Variants in PHACTR1 observed in about 807,000 individuals in gnomAD.
The protein encoded by PHACTR1 is phosphatase and actin regulator 1.
Under a neutral mutation model 69.2 loss-of-function variants are expected in PHACTR1, and 16 were observed. The observed-to-expected ratio is 0.23, with a 90% CI of 0.16 to 0.35. The LOEUF (loss-of-function observed/expected upper bound fraction) is 0.35, where lower values mean the gene tolerates loss of function less well. Among genes scored for constraint, PHACTR1 ranks in the 10% least tolerant of loss-of-function variants. PHACTR1 has a pLI of 1.00. For synonymous variants in PHACTR1, 312 were observed against 284.5 expected (o/e 1.10, Z -0.97); for missense variants, 510 against 734.7 (o/e 0.69, Z 3.54).
intron 4 of PHACTR1, among the ~76,000 whole-genome samples, chr6:13,000,618 A>AAGGAAGGAAGGAAGGG (rs1797970300): frequency 1.1e-5 from 1 of 89,422 alleles, no homozygotes; most frequent in East Asian, 3.4e-4. Context: ...GGAAGGGAGG[A>AAGGAAGGAAGGAAGGG]AGGAAGGAAG....
At chr6:13,111,588 C>T (rs573755361) in intron 5 of PHACTR1, among the ~76,000 whole-genome samples, 41 of 152,084 alleles carry the variant, frequency 2.7e-4, no homozygotes, top group Non-Finnish European at 2.5e-4. Context: ...ATGTCACAAC[C>T]TCGGTTATTA....
At chr6:13,045,492 G>A (rs370319624) in intron 4 of PHACTR1, among the ~76,000 whole-genome samples, 1 of 152,134 alleles carries the variant, frequency 6.6e-6, no homozygotes, top group Admixed American at 6.5e-5. Context: ...CCCATAAACC[G>A]CATTAGTCAT....
chr6:12,764,477 T>C (rs2127615745), intron 4 of PHACTR1, among the ~76,000 whole-genome samples: 1 of 152,312 alleles, frequency 6.6e-6, no homozygotes, highest in Middle Eastern at 3.4e-3. Flanking sequence ...TAAGAGAAAA[T>C]AATGATGTTA....
At chr6:12,896,114 T>C (rs1161736761) in intron 4 of PHACTR1, among the ~76,000 whole-genome samples, 2 of 152,176 alleles carry the variant, frequency 1.3e-5, no homozygotes, top group East Asian at 3.8e-4. Flanking sequence ...TTAATGCAAA[T>C]GGAGCAAACG....
intron 8 of PHACTR1, among the ~76,000 whole-genome samples, 165 bp downstream of exon 8, chr6:13,206,301 A>AG (rs567745966): frequency 3.5e-4 from 53 of 151,844 alleles, no homozygotes; most frequent in African/African-American, 1.1e-3. Context: ...AAAGCATGGA[A>AG]AAAAAAAATG....
chr6:13,275,034 T>A lies in PHACTR1; in HGVS notation c.1447+2119T>A, dbSNP rs531220221. 244 of 152,306 alleles carry A rather than the reference T, an allele frequency of 1.6e-3. No homozygotes were observed. Among genetic ancestry groups the A allele is most frequent in the African/African-American group, 5.5e-3 (230 of 41,584 alleles). 9.4% of individuals were successfully genotyped at this position (152,306 alleles called of 1,614,324 possible). On this transcript the variant is annotated intron_variant, in intron 11 of 14. Transcript: ENST00000332995. This position sits in a 1 kb window ranked among gnomAD's most constrained non-coding sequence, Gnocchi z 4.0. ...TATTGCGATTGTTAAACAAAAAAAA[T>A]GTCTAGTGGTATAAGAAAACATCCT...
rs527659372 is a variant in PHACTR1 at position 12,813,299 on chromosome 6, G to T, written c.250+63509G>T. On this transcript the variant is annotated intron_variant, in intron 4 of 14. Coordinates refer to ENST00000332995, the MANE Select transcript of PHACTR1 (RefSeq NM_030948.6). ...AAGTTCTGAGAGCCCTTTTAGAGTT[G>T]AAGGGCCTTATACTTAACCTTAGCT... 3.9e-5 allele frequency among the ~76,000 whole-genome samples: 6 copies of T among 152,300 alleles called. No individual in the cohort carries two copies. The South Asian group carries it at 1.2e-3, about 32-fold the overall frequency.
intron 4 of PHACTR1, among the ~76,000 whole-genome samples, chr6:12,909,613 A>G (rs1786138583): frequency 1.3e-5 from 2 of 152,226 alleles, no homozygotes; most frequent in South Asian, 4.1e-4. Context: ...AACCTTGCTC[A>G]TTTGTAAAAG....
intron 4 of PHACTR1, among the ~76,000 whole-genome samples, chr6:13,002,568 A>G (rs1048349464): frequency 6.6e-6 from 1 of 152,186 alleles, no homozygotes; most frequent in Non-Finnish European, 1.5e-5. Context: ...GAAAATATAC[A>G]TAAGATCGAA....
At position 13,179,745 on chromosome 6, in the gene PHACTR1, T is replaced by C. The variant is rs112244766; in HGVS notation, c.497-2774T>C. 4.1e-3 allele frequency among the ~76,000 whole-genome samples: 488 copies of C among 119,420 alleles called. No homozygotes were observed. Among genetic ancestry groups the C allele is most frequent in the African/African-American group, 0.015 (452 of 29,380 alleles). The allele number at this position is 119,420 out of a possible 152,430, so 78.3% of individuals were successfully genotyped here. On this transcript the variant is annotated intron_variant, in intron 6 of 14. Coordinates refer to ENST00000332995, the MANE Select transcript of PHACTR1 (RefSeq NM_030948.6). This position sits in a 1 kb window ranked among gnomAD's most constrained non-coding sequence, Gnocchi z 4.2. ...ATAGATAGATAGATAGATAGATAGA[T>C]AGACAGAACAAGGTTATCAATATTA...
intron 7 of PHACTR1, among the ~76,000 whole-genome samples, chr6:13,195,508 G>A (rs527828354): frequency 6.6e-6 from 1 of 152,054 alleles, no homozygotes; most frequent in East Asian, 1.9e-4. Context: ...TGTAATCCCA[G>A]CACTTCAGGA....
chr6:12,804,868 C>T (rs1183541581), intron 4 of PHACTR1, among the ~76,000 whole-genome samples: 1 of 152,142 alleles, frequency 6.6e-6, no homozygotes, highest in Non-Finnish European at 1.5e-5. Context: ...ATACTAGTAA[C>T]TTACGTATGT....
intron 7 of PHACTR1, among the ~76,000 whole-genome samples, chr6:13,184,548 C>T (rs1762586180): frequency 6.6e-6 from 1 of 152,184 alleles, no homozygotes; most frequent in Non-Finnish European, 1.5e-5. Context: ...TTTGAGAAAA[C>T]ATCCTCCTCC....
intron 5 of PHACTR1, among the ~76,000 whole-genome samples, chr6:13,055,039 A>C (rs1806559363): frequency 6.6e-6 from 1 of 152,186 alleles, no homozygotes; most frequent in African/African-American, 2.4e-5. Flanking sequence ...AGATCTGAGA[A>C]TCTTAATGCT....
intron 7 of PHACTR1, among the ~76,000 whole-genome samples, chr6:13,191,810 A>G (rs9349502): frequency 0.34 from 52,484 of 152,128 alleles, 9,743 homozygotes; most frequent in East Asian, 0.61. Flanking sequence ...ACAACACAGA[A>G]CGAATGGGGG....
intron 10 of PHACTR1, among the ~76,000 whole-genome samples, chr6:13,260,221 C>T (rs396360): frequency 0.16 from 23,667 of 152,066 alleles, 2,482 homozygotes; most frequent in Admixed American, 0.27. Flanking sequence ...GCAGGTATCA[C>T]CAATGTAATG....
intron 4 of PHACTR1, among the ~76,000 whole-genome samples, chr6:12,916,448 T>C (rs1787010158): frequency 6.6e-6 from 1 of 152,216 alleles, no homozygotes; most frequent in Admixed American, 6.5e-5. Context: ...TTTCTCTCTC[T>C]GCTCTCATTT....
intron 10 of PHACTR1, among the ~76,000 whole-genome samples, chr6:13,263,238 G>GTTT (rs57164668): frequency 4.2e-4 from 35 of 84,278 alleles, no homozygotes; most frequent in East Asian, 1.7e-3. Context: ...GGCTTTTAGT[G>GTTT]TTTTTTTTTT....
chr6:13,073,331 A>ATTTTTTTTTTTT lies in PHACTR1; in HGVS notation c.415+19821_415+19832dup, dbSNP rs10664160. ...ATTCCTTCAACCAATCATTCCATGA[A>ATTTTTTTTTTTT]TTTTTTTTTTTTTTTTTTTTTTTTT... On this transcript the variant is annotated intron_variant, in intron 5 of 14. Transcript: ENST00000332995. Among the ~76,000 whole-genome samples the ATTTTTTTTTTTT allele has an allele frequency of 2.6e-4, 17 of 65,692 alleles. 2 individuals are homozygous for ATTTTTTTTTTTT. The highest frequency in any genetic ancestry group is 3.6e-4 in the Non-Finnish European group (14 of 39,000). 43.1% of individuals were successfully genotyped at this position (65,692 alleles called of 152,430 possible).
Sources: allele counts gnomAD v4.1 joint callset (sites outside exome capture counted in the v4.1 genomes callset), GRCh38; gene constraint gnomAD v4.1.1; non-coding constraint Gnocchi (gnomAD v3.1); transcripts MANE v1.5; gene names NCBI Gene and HGNC (gene_info 2026-07-23, HGNC 2026-07-21).